RAD51B: variants seen among roughly 807,000 people sequenced by gnomAD.
RAD51B encodes RAD51 paralog B, also known as DNA repair protein RAD51 homolog 2.
Under a neutral mutation model 42.2 loss-of-function variants are expected in RAD51B, and 38 were observed. The ratio of observed to expected loss-of-function variants is 0.90; its 90% CI spans 0.70 to 1.18. The LOEUF is 1.18. RAD51B is among the 50% of genes most tolerant of loss of function. The pLI is 0.00. For missense variants in RAD51B, 373 were observed against 400.7 expected (o/e 0.93, Z 0.59); for synonymous variants, 154 against 145.2 (o/e 1.06, Z -0.43).
At chr14:68,376,850 A>G (rs899330933) in intron 8 of RAD51B, among the ~76,000 whole-genome samples, 2 of 152,216 alleles carry the variant, frequency 1.3e-5, no homozygotes, top group African/African-American at 4.8e-5. Context: ...AAGGGCCGGA[A>G]GTGACCAAAA....
At chr14:68,548,264 C>T (rs1370207156) in intron 10 of RAD51B, among the ~76,000 whole-genome samples, 2 of 152,226 alleles carry the variant, frequency 1.3e-5, no homozygotes, top group East Asian at 1.9e-4. Context: ...ACTGTCCTCA[C>T]TCTCCCGCTG....
At chr14:67,981,097 C>G (rs1296886394) in intron 7 of RAD51B, among the ~76,000 whole-genome samples, 1 of 152,074 alleles carries the variant, frequency 6.6e-6, no homozygotes, top group South Asian at 2.1e-4. Context: ...CATCTGTAAT[C>G]CCAGCACTTT....
intron 9 of RAD51B, among the ~76,000 whole-genome samples, chr14:68,452,074 C>G (rs1165709785): frequency 1.3e-5 from 2 of 152,148 alleles, no homozygotes; most frequent in African/African-American, 4.8e-5. Flanking sequence ...ACAGGAGGAC[C>G]CAGCTCTGTT....
At chr14:68,264,461 G>A (rs1017448819) in intron 7 of RAD51B, among the ~76,000 whole-genome samples, 9 of 152,318 alleles carry the variant, frequency 5.9e-5, no homozygotes, top group African/African-American at 2.2e-4. Flanking sequence ...TGTTTTGAAT[G>A]GCATGGGGTT....
chr14:68,393,397 C>T (rs879508864), intron 8 of RAD51B, among the ~76,000 whole-genome samples: 2 of 152,168 alleles, frequency 1.3e-5, no homozygotes, highest in Admixed American at 6.5e-5. Context: ...TCAAAGTGTG[C>T]TTGTCCTCTA....
intron 10 of RAD51B, among the ~76,000 whole-genome samples, chr14:68,564,930 G>A (rs773913773): frequency 4.6e-5 from 7 of 152,198 alleles, no homozygotes; most frequent in Middle Eastern, 3.2e-3. Flanking sequence ...AGTGACATCC[G>A]TCATGTGGCC....
intron 3 of RAD51B, among the ~76,000 whole-genome samples, chr14:67,830,574 G>T (rs1382674940): frequency 6.6e-6 from 1 of 151,966 alleles, no homozygotes; most frequent in Non-Finnish European, 1.5e-5. Context: ...GCTAATTTTT[G>T]TATTTTTAGT....
intron 10 of RAD51B, among the ~76,000 whole-genome samples, chr14:68,588,219 C>T (rs905881347): frequency 6.6e-6 from 1 of 152,178 alleles, no homozygotes; most frequent in African/African-American, 2.4e-5. Context: ...CTCCCCTTTA[C>T]AGCAGAGATG....
At chr14:68,407,603 G>C (rs1490222480) in intron 8 of RAD51B, among the ~76,000 whole-genome samples, 1 of 152,178 alleles carries the variant, frequency 6.6e-6, no homozygotes, top group Non-Finnish European at 1.5e-5. Context: ...TGTATTAAAG[G>C]TGATAAGAAA....
intron 10 of RAD51B, among the ~76,000 whole-genome samples, chr14:68,498,992 G>A (rs1884736430): frequency 6.6e-6 from 1 of 152,226 alleles, no homozygotes; most frequent in African/African-American, 2.4e-5. Flanking sequence ...AGGGGTCAGA[G>A]AGCAAGGCTA....
intron 7 of RAD51B, among the ~76,000 whole-genome samples, chr14:68,049,975 A>T (rs1055366718): frequency 6.6e-6 from 1 of 152,160 alleles, no homozygotes; most frequent in Non-Finnish European, 1.5e-5. Flanking sequence ...GTGAATTTCA[A>T]CTTGTATACC....
intron 7 of RAD51B, among the ~76,000 whole-genome samples, chr14:68,199,246 AT>A (rs1376310098): frequency 6.6e-6 from 1 of 152,036 alleles, no homozygotes; most frequent in Non-Finnish European, 1.5e-5. Flanking sequence ...CAGAAAGACT[AT>A]TTTTTTTCCT....
intron 8 of RAD51B, among the ~76,000 whole-genome samples, chr14:68,362,736 C>T (rs2083054172): frequency 6.6e-6 from 1 of 151,992 alleles, no homozygotes; most frequent in South Asian, 2.1e-4. Flanking sequence ...GTAGTCCCAG[C>T]TACTCAGGAG....
chr14:67,848,822 A>T lies in RAD51B; in HGVS notation c.315+13626A>T, dbSNP rs201587042. Among the ~76,000 whole-genome samples, 222 of 152,288 alleles carry T rather than the reference A, an allele frequency of 1.5e-3. 5 individuals carry two copies. In the East Asian group the frequency reaches 0.039, roughly 27 times the overall value. On this transcript the variant is annotated intron_variant, in intron 4 of 10. Coordinates refer to ENST00000471583, the MANE Select transcript of RAD51B (RefSeq NM_133510.4). ...GTGTTTTCTTGTCTGAGAAGACGAG[A>T]TAAATTTATTTATTTTTCACTTATG...
At chr14:68,084,745 A>G (rs1163587735) in intron 7 of RAD51B, among the ~76,000 whole-genome samples, 1 of 152,200 alleles carries the variant, frequency 6.6e-6, no homozygotes, top group Non-Finnish European at 1.5e-5. Context: ...TGGTTGGTTG[A>G]TTGATTCATT....
chr14:67,894,081 C>T (rs1257868904), intron 7 of RAD51B, among the ~76,000 whole-genome samples: 1 of 152,136 alleles, frequency 6.6e-6, no homozygotes, highest in Non-Finnish European at 1.5e-5. Flanking sequence ...TCTAACCTTT[C>T]GTTTCCATGT....
At chr14:68,573,702 T>G (rs1274011039) in intron 10 of RAD51B, among the ~76,000 whole-genome samples, 5 of 152,198 alleles carry the variant, frequency 3.3e-5, no homozygotes, top group Non-Finnish European at 7.3e-5. Context: ...CAGGTCTTTG[T>G]TAAATGAGTG....
At chr14:68,672,837 C>T (rs1206044117) in intron 11 of RAD51B, among the ~76,000 whole-genome samples, 1 of 152,236 alleles carries the variant, frequency 6.6e-6, no homozygotes, top group Admixed American at 6.5e-5. Flanking sequence ...GAGGGTGTTA[C>T]AGGCATTACC....
chr14:68,234,394 A>G (rs1641390028), intron 7 of RAD51B, among the ~76,000 whole-genome samples: 1 of 152,244 alleles, frequency 6.6e-6, no homozygotes, highest in Non-Finnish European at 1.5e-5. Flanking sequence ...AATTACAATT[A>G]TGCATCACTT....
Sources: allele counts gnomAD v4.1 joint callset (sites outside exome capture counted in the v4.1 genomes callset), GRCh38; gene constraint gnomAD v4.1.1; transcripts MANE v1.5; gene names NCBI Gene and HGNC (gene_info 2026-07-23, HGNC 2026-07-21).